COPS3: variants seen among roughly 807,000 people sequenced by gnomAD.
COPS3 encodes the protein COP9 signalosome subunit 3.
In COPS3, 10 loss-of-function variants were observed where a neutral mutation model predicts 58.2. The ratio of observed to expected loss-of-function variants is 0.17; its 90% CI spans 0.11 to 0.29. COPS3 has a LOEUF of 0.29. Among genes scored for constraint, COPS3 ranks in the 10% least tolerant of loss-of-function variants. The pLI, the probability that COPS3 is intolerant of heterozygous loss-of-function variation, is 1.00. For missense variants in COPS3, 333 were observed against 510.1 expected (o/e 0.65, Z 3.34); for synonymous variants, 187 against 181.7 (o/e 1.03, Z -0.24).
In COPS3 at chr17:17,262,768, A is replaced by G. The variant is rs1044533925; in HGVS notation, c.622-662T>C. ...TTTTTTGTAGAAATGGAGTCTCACT[A>G]TGTTGCTCAGGCTGACTCCTATGTT... On this transcript the variant is annotated intron_variant, in intron 6 of 11. Coordinates refer to ENST00000268717, the MANE Select transcript of COPS3 (RefSeq NM_003653.4). Among the ~76,000 whole-genome samples, 3 of 151,822 alleles carry G rather than the reference A, an allele frequency of 2.0e-5. No homozygotes were observed. In the South Asian group the frequency reaches 6.2e-4, roughly 32 times the overall value.
intron 10 of COPS3, among the ~76,000 whole-genome samples, chr17:17,248,517 A>G (rs550648091): frequency 1.3e-5 from 2 of 152,154 alleles, no homozygotes; most frequent in South Asian, 4.1e-4. Context: ...GGGTTTTGCC[A>G]TGTTGGGCAG....
chr17:17,252,521 T>C (rs9900416), intron 9 of COPS3, among the ~76,000 whole-genome samples: 5,201 of 151,374 alleles, frequency 0.034, 312 homozygotes, highest in African/African-American at 0.11. Context: ...TAGACGCCAG[T>C]AGCACCCCCA....
intron 2 of COPS3, among the ~76,000 whole-genome samples, chr17:17,272,288 T>C (rs2048370019): frequency 6.6e-6 from 1 of 152,140 alleles, no homozygotes; most frequent in Admixed American, 6.6e-5. Context: ...CCGGGCGTGG[T>C]GGCAGGTGCC....
At chr17:17,274,941 T>C (rs1022063463) in intron 2 of COPS3, among the ~76,000 whole-genome samples, 2 of 152,072 alleles carry the variant, frequency 1.3e-5, no homozygotes, top group Non-Finnish European at 1.5e-5. Flanking sequence ...CCTCTTGTCC[T>C]GCCTATCAGT....
chr17:17,262,335 A>G (rs919789138), intron 6 of COPS3, among the ~76,000 whole-genome samples: 1 of 152,130 alleles, frequency 6.6e-6, no homozygotes, highest in Admixed American at 6.6e-5. Flanking sequence ...ATTATGGCTC[A>G]CTGTACCCTC....
At chr17:17,264,623 C>A (rs779117466) in intron 6 of COPS3, among the ~76,000 whole-genome samples, 179 bp downstream of exon 6, 2 of 152,298 alleles carry the variant, frequency 1.3e-5, no homozygotes, top group South Asian at 2.1e-4. Context: ...ACTGGCGCTG[C>A]TCCTCAACTT....
chr17:17,273,955 T>C (rs527695262), intron 2 of COPS3, among the ~76,000 whole-genome samples: 1 of 152,338 alleles, frequency 6.6e-6, no homozygotes, highest in African/African-American at 2.4e-5. Context: ...AGGTCGAGGC[T>C]ACAGTGAGCT....
chr17:17,280,198 G>T (rs781133152), intron 1 of COPS3, among the ~76,000 whole-genome samples: 3 of 152,208 alleles, frequency 2.0e-5, no homozygotes, highest in Non-Finnish European at 4.4e-5. Context: ...GATCACCTGA[G>T]ATCAAGGTTC....
chr17:17,270,388 G>T (rs555188887), intron 4 of COPS3, among the ~76,000 whole-genome samples: 1 of 152,130 alleles, frequency 6.6e-6, no homozygotes, highest in South Asian at 2.1e-4. Flanking sequence ...AAATGTATGA[G>T]AATTTTTTAT....
intron 4 of COPS3, among the ~76,000 whole-genome samples, chr17:17,269,316 T>C (rs1393053147): frequency 1.3e-5 from 2 of 152,162 alleles, no homozygotes; most frequent in Admixed American, 6.6e-5. Flanking sequence ...TCCCAGCTAC[T>C]TGGGAGGCTG....
intron 5 of COPS3, among the ~76,000 whole-genome samples, chr17:17,267,542 G>A (rs2048253858): frequency 6.6e-6 from 1 of 151,054 alleles, no homozygotes; most frequent in South Asian, 2.1e-4. Context: ...AGAGGCTGAG[G>A]CAGGAGAATT....
chr17:17,280,747 G>A (rs1246875720), intron 1 of COPS3: 17 of 1,241,624 alleles, frequency 1.4e-5, no homozygotes, highest in Non-Finnish European at 1.8e-5. Flanking sequence ...CGGATCGGCG[G>A]CAAAGATGAC....
At chr17:17,249,760 G>A (rs553608186) in intron 9 of COPS3, among the ~76,000 whole-genome samples, 3 of 152,296 alleles carry the variant, frequency 2.0e-5, no homozygotes, top group South Asian at 2.1e-4. Context: ...CCAAAGTGCT[G>A]GGATTACAGG....
At chr17:17,254,564 C>T (rs2047920117) in intron 9 of COPS3, among the ~76,000 whole-genome samples, 1 of 152,098 alleles carries the variant, frequency 6.6e-6, no homozygotes, top group Admixed American at 6.6e-5. Flanking sequence ...ATAATCCCAG[C>T]ACTTTGGGAG....
intron 1 of COPS3, among the ~76,000 whole-genome samples, chr17:17,277,651 C>T (rs1200987812): frequency 6.6e-6 from 1 of 152,170 alleles, no homozygotes; most frequent in Non-Finnish European, 1.5e-5. Context: ...AACTCCTGGG[C>T]TCAAGCAATC....
chr17:17,269,646 T>C (rs2048303249), intron 4 of COPS3, among the ~76,000 whole-genome samples: 1 of 152,146 alleles, frequency 6.6e-6, no homozygotes, highest in African/African-American at 2.4e-5. Context: ...TTATAAATTA[T>C]GTATTATAAA....
chr17:17,281,119 C>T lies in COPS3; in HGVS notation c.55+13G>A. On this transcript the variant is annotated intron_variant, in intron 1 of 11. Coordinates refer to ENST00000268717, the MANE Select transcript of COPS3 (RefSeq NM_003653.4). ...TACCCGCCCATGCCCAGCCCGGCGG[C>T]CTAGGGCGTTACCTTGAGCTGAGAG... 3 of 1,606,960 alleles carry T rather than the reference C, an allele frequency of 1.9e-6. No homozygotes were observed. Among genetic ancestry groups the T allele is most frequent in the African/African-American group, 1.3e-5 (1 of 74,986 alleles).
chr17:17,276,015 T>C lies in COPS3; in HGVS notation c.185+20A>G, dbSNP rs2048453679. ...TTCCATTTTAACAAGCACAGAACTA[T>C]AAAAGAAGATGCTCCTTACAAAACA... On this transcript the variant is annotated intron_variant, in intron 2 of 11. Transcript: ENST00000268717. 1 of 1,610,548 alleles carries C rather than the reference T, an allele frequency of 6.2e-7. No homozygotes were observed. The highest frequency in any genetic ancestry group is 8.5e-7 in the Non-Finnish European group (1 of 1,177,716).
intron 8 of COPS3, among the ~76,000 whole-genome samples, chr17:17,255,548 A>C (rs1248841538): frequency 6.6e-6 from 1 of 150,938 alleles, no homozygotes; most frequent in Admixed American, 6.6e-5. Context: ...TAGATGACTT[A>C]AAACTGATGG....
Sources: gnomAD v4.1 joint callset for allele counts (sites outside exome capture counted in the v4.1 genomes callset) on GRCh38, gnomAD v4.1.1 for gene constraint, MANE v1.5 for transcripts, NCBI Gene and HGNC (gene_info 2026-07-23, HGNC 2026-07-21) for gene names.